Variants in LAYN observed in about 807,000 individuals in gnomAD.
The protein encoded by LAYN is layilin.
LAYN carries 38 observed loss-of-function variants against 43.6 expected under a neutral mutation model. That is an observed-to-expected ratio of 0.87 (90% confidence interval 0.67 to 1.14). The LOEUF is 1.14. Among genes scored for constraint, LAYN ranks in the 50% most tolerant of loss-of-function variants. The pLI, the probability that LAYN is intolerant of heterozygous loss-of-function variation, is 0.00. For synonymous variants in LAYN, 168 were observed against 172.9 expected (o/e 0.97, Z 0.22); for missense variants, 479 against 463.8 (o/e 1.03, Z -0.30).
intron 2 of LAYN, among the ~76,000 whole-genome samples, chr11:111,545,338 G>A (rs1047634885): frequency 3.3e-5 from 5 of 152,114 alleles, no homozygotes; most frequent in African/African-American, 1.2e-4. Flanking sequence ...ACCGTCTGCT[G>A]GTCTCAACGG....
At chr11:111,552,138 G>A (rs887500504) in intron 3 of LAYN, among the ~76,000 whole-genome samples, 9 of 152,020 alleles carry the variant, frequency 5.9e-5, no homozygotes, top group African/African-American at 2.2e-4. Flanking sequence ...GAAATGATAA[G>A]GTGAAGGATA....
In LAYN at chr11:111,557,599, T is replaced by C; in HGVS notation, c.717T>C (p.Leu239=). The change falls in exon 6 of 7, where the codon CTT becomes CTC. Residue 239 remains leucine (L), a synonymous_variant. Transcript: ENST00000375614. ...CCAGCATTCCCCTTCTCCTCCTCCT[T>C]GTGGTCACCACAGTTGTATGTTGGG... ...LIPSIPLLLL[L]VVTTVVCWVW... The C allele has an allele frequency of 6.2e-7, 1 of 1,614,202 alleles. No individual in the cohort carries two copies. The highest frequency in any genetic ancestry group is 8.5e-7 in the Non-Finnish European group (1 of 1,180,010).
chr11:111,546,198 T>C (rs1324874287), intron 2 of LAYN, among the ~76,000 whole-genome samples: 1 of 152,208 alleles, frequency 6.6e-6, no homozygotes, highest in Non-Finnish European at 1.5e-5. Flanking sequence ...TAATATCTGA[T>C]GAAAAGAGTT....
chr11:111,541,031 C>T (rs1371774300), intron 1 of LAYN, 103 bp downstream of exon 1: 3 of 1,039,008 alleles, frequency 2.9e-6, no homozygotes, highest in East Asian at 2.7e-5. Flanking sequence ...ACTAGAAGGC[C>T]GTCCCATGCC....
At chr11:111,559,849 G>A (rs1867920185) in intron 6 of LAYN, among the ~76,000 whole-genome samples, 2 of 151,988 alleles carry the variant, frequency 1.3e-5, no homozygotes, top group Admixed American at 1.3e-4. Flanking sequence ...GGACTCTAGG[G>A]AACCCCAGGA....
At chr11:111,552,271 T>A (rs1352154596) in intron 3 of LAYN, among the ~76,000 whole-genome samples, 2 of 152,170 alleles carry the variant, frequency 1.3e-5, no homozygotes, top group Non-Finnish European at 2.9e-5. Context: ...AGGTTTGGTG[T>A]CTCTCCTATA....
At chr11:111,546,272 CA>C (rs1867647210) in intron 2 of LAYN, among the ~76,000 whole-genome samples, 2 of 152,212 alleles carry the variant, frequency 1.3e-5, no homozygotes, top group African/African-American at 4.8e-5. Context: ...TCCTAGTCCA[CA>C]ATCTTCCAGT....
At chr11:111,549,491 C>G in intron 2 of LAYN, 127 bp from the exon 3 acceptor site, 3 of 719,482 alleles carry the variant, frequency 4.2e-6, no homozygotes, top group Non-Finnish European at 6.4e-6. Context: ...TCCTACCTCT[C>G]TCTGTATCAT....
Position 111,544,225 on chromosome 11 carries a change from GTGTGTGGAACCCACAGC to G in LAYN, c.383+8_383+24del. 1.2e-6 allele frequency: 2 copies of G among 1,609,078 alleles called. No individual in the cohort carries two copies. Among genetic ancestry groups the G allele is most frequent in the Non-Finnish European group, 1.7e-6 (2 of 1,177,428 alleles). On this transcript the variant is annotated splice_donor_region_variant and intron_variant, in intron 2 of 6. Coordinates refer to ENST00000375614, the MANE Select transcript of LAYN (RefSeq NM_178834.5). ...TGGCAGCATATCACAATTTAGGTAA[GTGTGTGGAACCCACAGC>G]TGCTGACTCACTTGACATAACTCAA...
chr11:111,544,995 G>T lies in LAYN; in HGVS notation c.383+775G>T, dbSNP rs528909017. Among the ~76,000 whole-genome samples the T allele has an allele frequency of 4.6e-5, 7 of 151,412 alleles. No individual in the cohort carries two copies. The South Asian group carries it at 1.5e-3, about 32-fold the overall frequency. On this transcript the variant is annotated intron_variant, in intron 2 of 6. Transcript: ENST00000375614. ...AAAGGTCTAAACTCATCAAAAGAAT[G>T]AAGATTTTAAAATATATTCTTTAAC...
Position 111,557,660 on chromosome 11 carries a change from T to C in LAYN, c.761+17T>C, listed in dbSNP as rs1867871579. The C allele has an allele frequency of 6.3e-7, 1 of 1,576,020 alleles. No individual in the cohort carries two copies. The highest frequency in any genetic ancestry group is 1.3e-5 in the African/African-American group (1 of 74,106). ...TAGAAAAAGGCAAGTAAAACCTTCA[T>C]TGTGTAAACCTTTGCATCTTCTGCT... On this transcript the variant is annotated intron_variant, in intron 6 of 6. Transcript: ENST00000375614.
intron 1 of LAYN, among the ~76,000 whole-genome samples, chr11:111,543,681 TG>T (rs1322701691): frequency 6.6e-6 from 1 of 152,176 alleles, no homozygotes; most frequent in African/African-American, 2.4e-5. Context: ...TTTAAGATTC[TG>T]TAATGGAACA....
At chr11:111,543,338 G>A (rs1258666686) in intron 1 of LAYN, among the ~76,000 whole-genome samples, 1 of 152,216 alleles carries the variant, frequency 6.6e-6, no homozygotes, top group African/African-American at 2.4e-5. Flanking sequence ...CACATAGTAG[G>A]AGTTCAGTAA....
At chr11:111,546,876 A>G (rs1867656996) in intron 2 of LAYN, among the ~76,000 whole-genome samples, 1 of 152,070 alleles carries the variant, frequency 6.6e-6, no homozygotes, top group Non-Finnish European at 1.5e-5. Context: ...TCAAAATCCT[A>G]TGGGTCTGCA....
In LAYN at chr11:111,560,040, G is replaced by T. The variant is rs763207247; in HGVS notation, c.762-55G>T. The T allele has an allele frequency of 4.5e-6, 7 of 1,538,586 alleles. No individual in the cohort carries two copies. The South Asian group carries it at 7.8e-5, about 17-fold the overall frequency. On this transcript the variant is annotated intron_variant, in intron 6 of 6. Coordinates refer to ENST00000375614, the MANE Select transcript of LAYN (RefSeq NM_178834.5). ...CTCTCGTCTCAACAGGAAGCACAAG[G>T]GTATTCTCAATCACCTGGTCTAAAA...
In LAYN at chr11:111,557,585, C is replaced by T. The variant is rs1867869562; in HGVS notation, c.703C>T (p.Leu235Phe). The T allele has an allele frequency of 6.2e-7, 1 of 1,614,176 alleles. No individual in the cohort carries two copies. The highest frequency in any genetic ancestry group is 1.3e-5 in the African/African-American group (1 of 75,040). Reference protein sequence around the residue: ...LAYILIPSIPLLLLLVVTTVV... With the variant: ...LAYILIPSIPFLLLLVVTTVV... ...CTACATCCTAATCCCCAGCATTCCC[C>T]TTCTCCTCCTCCTTGTGGTCACCAC... The change falls in exon 6 of 7, where the codon CTT (leucine) becomes TTT (phenylalanine). Residue 235 changes from leucine to phenylalanine, a missense_variant. Transcript: ENST00000375614.
At chr11:111,552,206 TAAG>T (rs1472751309) in intron 3 of LAYN, among the ~76,000 whole-genome samples, 1 of 152,052 alleles carries the variant, frequency 6.6e-6, no homozygotes, top group Non-Finnish European at 1.5e-5. Flanking sequence ...TATTTCAAAA[TAAG>T]AAGTTAAAAA....
intron 6 of LAYN, among the ~76,000 whole-genome samples, chr11:111,557,930 C>T (rs959177731): frequency 1.3e-5 from 2 of 152,184 alleles, no homozygotes; most frequent in African/African-American, 2.4e-5. Context: ...TCACACGTCA[C>T]CCAGCAAAAA....
chr11:111,548,217 C>A (rs1330481031), intron 2 of LAYN, among the ~76,000 whole-genome samples: 1 of 152,084 alleles, frequency 6.6e-6, no homozygotes, highest in African/African-American at 2.4e-5. Context: ...CCCTCTTCCC[C>A]GCTGTATGGT....
Sources: gnomAD v4.1 joint callset for allele counts (sites outside exome capture counted in the v4.1 genomes callset) on GRCh38, gnomAD v4.1.1 for gene constraint, MANE v1.5 for transcripts, NCBI Gene and HGNC (gene_info 2026-07-23, HGNC 2026-07-21) for gene names.